Variants in GAS7 observed in about 807,000 individuals in gnomAD.
The protein encoded by GAS7 is growth arrest specific 7, also known as growth arrest-specific protein 7.
Under a neutral mutation model 71.1 loss-of-function variants are expected in GAS7, and 28 were observed. The ratio of observed to expected loss-of-function variants is 0.39; its 90% CI spans 0.29 to 0.54. GAS7 has a LOEUF of 0.54. Ranked by LOEUF, GAS7 falls within the 20% of genes least tolerant of loss-of-function variation. GAS7 has a pLI of 0.62. For missense variants in GAS7, 436 were observed against 627.8 expected, an observed-to-expected ratio of 0.69 and a Z score of 3.27; for synonymous variants, 258 against 245.8, an observed-to-expected ratio of 1.05 and a Z score of -0.46.
chr17:10,184,530 C>G (rs1338474542), intron 1 of GAS7, among the ~76,000 whole-genome samples: 2 of 152,166 alleles, frequency 1.3e-5, no homozygotes, highest in South Asian at 4.1e-4. Flanking sequence ...ACTGAAAACC[C>G]CTAAGGGTAT....
chr17:10,124,523 A>G (rs762196286), intron 1 of GAS7, among the ~76,000 whole-genome samples: 1 of 152,146 alleles, frequency 6.6e-6, no homozygotes, highest in Non-Finnish European at 1.5e-5. Context: ...GTGGCTACAG[A>G]TCTCATGATT....
intron 1 of GAS7, among the ~76,000 whole-genome samples, chr17:10,165,184 C>T (rs541068794): frequency 1.3e-5 from 2 of 148,550 alleles, no homozygotes; most frequent in South Asian, 2.2e-4. Flanking sequence ...CCCAGCTACT[C>T]GGGACCCTGA....
intron 4 of GAS7, among the ~76,000 whole-genome samples, chr17:9,961,081 A>C (rs16959084): frequency 0.018 from 2,800 of 152,140 alleles, 141 homozygotes; most frequent in Admixed American, 0.093. Context: ...TGATTTGCAG[A>C]ATCTGTGGAC....
At chr17:10,072,682 C>T (rs182729346) in intron 1 of GAS7, among the ~76,000 whole-genome samples, 1 of 152,178 alleles carries the variant, frequency 6.6e-6, no homozygotes, top group African/African-American at 2.4e-5. Context: ...CACAACCCTA[C>T]CCCGATCCAC....
At chr17:9,938,433 G>A (rs11651427) in intron 8 of GAS7, among the ~76,000 whole-genome samples, 1 of 139,488 alleles carries the variant, frequency 7.2e-6, no homozygotes, top group Non-Finnish European at 1.5e-5. Flanking sequence ...CTGAGATCAG[G>A]CCACTCCAGT....
intron 1 of GAS7, among the ~76,000 whole-genome samples, chr17:10,128,582 C>T (rs1326122100): frequency 5.3e-5 from 8 of 151,986 alleles, no homozygotes. Flanking sequence ...CATCCCTTGC[C>T]TGTTTTCATT....
chr17:9,999,884 T>C (rs2071198520), intron 2 of GAS7, among the ~76,000 whole-genome samples: 1 of 149,960 alleles, frequency 6.7e-6, no homozygotes. Context: ...ATAAGATTCC[T>C]TGGGAAATTG....
At chr17:10,131,532 G>A (rs896282230) in intron 1 of GAS7, among the ~76,000 whole-genome samples, 1 of 152,236 alleles carries the variant, frequency 6.6e-6, no homozygotes, top group Non-Finnish European at 1.5e-5. Flanking sequence ...TGAGGCACAA[G>A]AATCGCTTGA....
intron 1 of GAS7, among the ~76,000 whole-genome samples, chr17:10,102,000 G>C (rs1048850652): frequency 1.3e-5 from 2 of 151,990 alleles, no homozygotes; most frequent in South Asian, 4.2e-4. Flanking sequence ...TCCCCAAATA[G>C]TGCCCATGCA....
chr17:10,124,185 C>T (rs2073926802), intron 1 of GAS7, among the ~76,000 whole-genome samples: 1 of 152,232 alleles, frequency 6.6e-6, no homozygotes, highest in Non-Finnish European at 1.5e-5. Flanking sequence ...TCCAACCAGC[C>T]CCTCGTGGCG....
chr17:10,007,625 C>CAAAA (rs201254619), intron 2 of GAS7, among the ~76,000 whole-genome samples: 569 of 46,510 alleles, frequency 0.012, 14 homozygotes, highest in Middle Eastern at 0.016. Flanking sequence ...GATTCTGTCT[C>CAAAA]AAAAAAAAAA....
Position 9,917,258 on chromosome 17 carries a change from G to T in GAS7, c.1401C>A (p.Gly467=). Residue 467 remains glycine, a synonymous_variant, in exon 14 of 14, where the codon GGC becomes GGA. Transcript: ENST00000432992. ...TCTCCATGTCCACAGGGCGGATGTT[G>T]CCCGTCTTGTGCTCTCTGACCCACA... is the stretch of plus-strand genomic sequence containing the variant. The part of the protein sequence containing the change: ...RELWVREHKT[G]NIRPVDMEI 6.2e-7 allele frequency: 1 copy of T among 1,611,904 alleles called. No homozygotes were observed. The highest frequency in any genetic ancestry group is 8.5e-7 in the Non-Finnish European group (1 of 1,177,938).
At chr17:10,146,120 G>A (rs912275624) in intron 1 of GAS7, among the ~76,000 whole-genome samples, 3 of 152,124 alleles carry the variant, frequency 2.0e-5, no homozygotes, top group African/African-American at 7.2e-5. Flanking sequence ...CCCAAACTCG[G>A]GGGTAAAACT....
At chr17:9,949,021 G>A (rs1430196159) in intron 5 of GAS7, among the ~76,000 whole-genome samples, 1 of 152,190 alleles carries the variant, frequency 6.6e-6, no homozygotes, top group Non-Finnish European at 1.5e-5. Flanking sequence ...AATGCTAGGC[G>A]GGGTGTGCAA....
At chr17:9,993,919 T>G (rs1297083067) in intron 2 of GAS7, among the ~76,000 whole-genome samples, 1 of 152,114 alleles carries the variant, frequency 6.6e-6, no homozygotes, top group Non-Finnish European at 1.5e-5. Context: ...ATGAATGAAC[T>G]CCCACTCACA....
intron 1 of GAS7, among the ~76,000 whole-genome samples, chr17:10,181,616 T>C (rs1353864079): frequency 6.6e-6 from 1 of 152,098 alleles, no homozygotes. Context: ...GGTTGGGTCA[T>C]GAAGGGCTTG....
intron 11 of GAS7, among the ~76,000 whole-genome samples, chr17:9,923,824 A>C (rs2067904161): frequency 6.6e-6 from 1 of 152,206 alleles, no homozygotes; most frequent in Non-Finnish European, 1.5e-5. Context: ...CAGGTACAAT[A>C]ACACAGCTTC....
At chr17:10,045,840 C>CA (rs1278853120) in intron 1 of GAS7, among the ~76,000 whole-genome samples, 33 of 152,176 alleles carry the variant, frequency 2.2e-4, no homozygotes, top group Non-Finnish European at 1.5e-5. Flanking sequence ...CACCTTGTTC[C>CA]ATCCATCACT....
At chr17:10,128,971 T>C (rs1347636563) in intron 1 of GAS7, among the ~76,000 whole-genome samples, 1 of 152,192 alleles carries the variant, frequency 6.6e-6, no homozygotes, top group Non-Finnish European at 1.5e-5. Flanking sequence ...TTAACCTAAA[T>C]AATCCTGATT....
Sources: allele counts gnomAD v4.1 joint callset (sites outside exome capture counted in the v4.1 genomes callset), GRCh38; gene constraint gnomAD v4.1.1; transcripts MANE v1.5; gene names NCBI Gene and HGNC (gene_info 2026-07-23, HGNC 2026-07-21).